LINGO2: variants seen among roughly 807,000 people sequenced by gnomAD.
LINGO2 encodes leucine-rich repeat and immunoglobulin-like domain-containing nogo receptor-interacting protein 2.
Under a neutral mutation model 30.6 loss-of-function variants are expected in LINGO2, and 14 were observed. That is an observed-to-expected ratio of 0.46 (90% CI 0.30 to 0.72). LINGO2 has a LOEUF of 0.72. Ranked by LOEUF, LINGO2 falls within the 30% of genes least tolerant of loss-of-function variation. The pLI, the probability that LINGO2 is intolerant of heterozygous loss-of-function variation, is 0.07. For missense variants in LINGO2, 729 were observed against 751.7 expected, an observed-to-expected ratio of 0.97 and a Z score of 0.35; for synonymous variants, 317 against 288.5, an observed-to-expected ratio of 1.10 and a Z score of -1.00.
chr9:28,932,107 A>AAAAATAAAAT, the LINGO2 span, among the ~76,000 whole-genome samples: 10,939 of 107,332 alleles, frequency 0.1, 1,192 homozygotes, highest in Non-Finnish European at 0.11. Context: ...ACTCTGACAA[A>AAAAATAAAAT]AAAATAAAAT....
chr9:28,218,275 T>C (rs566990458), intron 4 of LINGO2, among the ~76,000 whole-genome samples: 1 of 47,010 alleles, frequency 2.1e-5, no homozygotes, highest in Admixed American at 2.6e-4. Context: ...TAATCTTGAA[T>C]TTCTAATTTT....
the LINGO2 span, among the ~76,000 whole-genome samples, chr9:29,119,259 T>C: frequency 2.0e-5 from 3 of 152,106 alleles, no homozygotes; most frequent in African/African-American, 7.2e-5. Context: ...TGGCAGTCTA[T>C]GGAATGGAAG....
At chr9:27,992,049 G>A (rs552786201) in intron 5 of LINGO2, among the ~76,000 whole-genome samples, 2 of 152,064 alleles carry the variant, frequency 1.3e-5, no homozygotes, top group African/African-American at 2.4e-5. Context: ...GTATTCGGAC[G>A]CATTTCTCCA....
At chr9:28,679,296 T>C in the LINGO2 span, among the ~76,000 whole-genome samples, 1 of 152,098 alleles carries the variant, frequency 6.6e-6, no homozygotes, top group East Asian at 1.9e-4. Context: ...GGGCCAGACT[T>C]TAATCCAAGA....
intron 4 of LINGO2, among the ~76,000 whole-genome samples, chr9:28,185,952 C>T (rs1819525829): frequency 6.6e-6 from 1 of 152,058 alleles, no homozygotes. Context: ...GTTTTCATCA[C>T]TAAAAAATCT....
At chr9:28,908,173 A>G in the LINGO2 span, among the ~76,000 whole-genome samples, 3 of 151,160 alleles carry the variant, frequency 2.0e-5, no homozygotes, top group Non-Finnish European at 4.4e-5. Flanking sequence ...ACACACACAC[A>G]TACAAAACTT....
the LINGO2 span, among the ~76,000 whole-genome samples, chr9:28,707,250 G>A: frequency 1.3e-5 from 2 of 152,146 alleles, no homozygotes; most frequent in South Asian, 2.1e-4. Context: ...AACTAGGAGG[G>A]CCCTAATAGA....
At chr9:28,753,929 AT>A in the LINGO2 span, among the ~76,000 whole-genome samples, 5 of 152,046 alleles carry the variant, frequency 3.3e-5, no homozygotes, top group African/African-American at 1.2e-4. Flanking sequence ...AATGTTTTGC[AT>A]TACAATAATT....
At chr9:29,113,469 G>GA in the LINGO2 span, among the ~76,000 whole-genome samples, 4,525 of 152,160 alleles carry the variant, frequency 0.03, 104 homozygotes, top group South Asian at 0.082. Flanking sequence ...AATTTTGGAG[G>GA]AAAAAAGTCA....
At chr9:28,336,496 T>TTA (rs1825593204) in intron 3 of LINGO2, among the ~76,000 whole-genome samples, 1 of 152,190 alleles carries the variant, frequency 6.6e-6, no homozygotes, top group Non-Finnish European at 1.5e-5. Flanking sequence ...TGACACTAGG[T>TTA]CATAAAGACT....
intron 4 of LINGO2, among the ~76,000 whole-genome samples, chr9:28,254,247 C>A (rs1343327101): frequency 6.6e-6 from 1 of 151,728 alleles, no homozygotes; most frequent in Admixed American, 6.6e-5. Context: ...ACAATGCTAC[C>A]ATTATTATTT....
At position 28,354,816 on chromosome 9, in the gene LINGO2, A is replaced by G. The variant is rs143909343; in HGVS notation, c.-246+18020T>C. ...CTTCATACCTATCATCTCTTAATTC[A>G]CAATAAATTTGACAGGAGGTATGTT... On this transcript the variant is annotated intron_variant, in intron 3 of 5. Transcript: ENST00000379992. 5.7e-3 allele frequency among the ~76,000 whole-genome samples: 873 copies of G among 152,278 alleles called. 8 individuals carry two copies. Among genetic ancestry groups the G allele is most frequent in the African/African-American group, 0.02 (815 of 41,554 alleles).
chr9:28,568,981 T>C (rs1026393653), intron 1 of LINGO2, among the ~76,000 whole-genome samples: 1 of 151,982 alleles, frequency 6.6e-6, no homozygotes, highest in African/African-American at 2.4e-5. Context: ...GGCAAAGGAC[T>C]GTAATAGAAA....
At chr9:28,591,971 C>G (rs765817930) in intron 1 of LINGO2, among the ~76,000 whole-genome samples, 91 of 151,994 alleles carry the variant, frequency 6.0e-4, no homozygotes, top group Non-Finnish European at 9.7e-4. Flanking sequence ...GAAGCTCCAT[C>G]TAAGGTATTT....
the LINGO2 span, among the ~76,000 whole-genome samples, chr9:28,893,928 A>T: frequency 6.7e-6 from 1 of 149,924 alleles, no homozygotes; most frequent in African/African-American, 2.5e-5. Context: ...CAGTCCCCAG[A>T]GTGTGATGTT....
intron 4 of LINGO2, among the ~76,000 whole-genome samples, chr9:28,045,191 C>CA (rs764527055): frequency 6.6e-6 from 1 of 152,044 alleles, no homozygotes; most frequent in Non-Finnish European, 1.5e-5. Context: ...CACACACACA[C>CA]AAACTACAGA....
At chr9:29,096,990 T>C in the LINGO2 span, among the ~76,000 whole-genome samples, 2 of 139,746 alleles carry the variant, frequency 1.4e-5, no homozygotes, top group Non-Finnish European at 3.1e-5. Flanking sequence ...AAGAAAACCT[T>C]ATGAAATTTT....
chr9:28,152,234 A>G (rs1165105988), intron 4 of LINGO2, among the ~76,000 whole-genome samples: 2 of 152,102 alleles, frequency 1.3e-5, no homozygotes, highest in African/African-American at 2.4e-5. Context: ...TTGGGGAGGC[A>G]GTGAGGGATT....
chr9:27,969,582 A>G (rs2088464575), intron 5 of LINGO2, among the ~76,000 whole-genome samples: 1 of 152,144 alleles, frequency 6.6e-6, no homozygotes. Context: ...ACCATTTTGT[A>G]GATAAGAAAA....
Sources: gnomAD v4.1 joint callset for allele counts (sites outside exome capture counted in the v4.1 genomes callset) on GRCh38, gnomAD v4.1.1 for gene constraint, MANE v1.5 for transcripts, NCBI Gene and HGNC (gene_info 2026-07-23, HGNC 2026-07-21) for gene names.